CACNA1C: variants seen among roughly 807,000 people sequenced by gnomAD.
The protein encoded by CACNA1C is voltage-dependent L-type calcium channel subunit alpha-1C.
Under a neutral mutation model 229.0 loss-of-function variants are expected in CACNA1C, and 30 were observed. The ratio of observed to expected loss-of-function variants is 0.13; its 90% confidence interval spans 0.10 to 0.18. The LOEUF is 0.18. Among genes scored for constraint, CACNA1C ranks in the 10% least tolerant of loss-of-function variants. CACNA1C has a pLI of 1.00. For missense variants in CACNA1C, 1,658 were observed against 2,845.0 expected (o/e 0.58, Z 9.49); for synonymous variants, 1,114 against 1,132.5 (o/e 0.98, Z 0.33).
intron 9 of CACNA1C, among the ~76,000 whole-genome samples, chr12:2,523,291 C>T (rs1305233861): frequency 6.6e-6 from 1 of 152,104 alleles, no homozygotes; most frequent in African/African-American, 2.4e-5. Flanking sequence ...TGAGGTCAAG[C>T]GCCATCCCTT....
chr12:2,142,092 G>A (rs2094278957), intron 3 of CACNA1C, among the ~76,000 whole-genome samples: 1 of 151,066 alleles, frequency 6.6e-6, no homozygotes, highest in Non-Finnish European at 1.5e-5. Context: ...CCACCACCTG[G>A]CACGTGATGG....
In CACNA1C at chr12:2,504,003, C is replaced by T. The variant is rs1651994712; in HGVS notation, c.1114-839C>T. On this transcript the variant is annotated intron_variant, in intron 7 of 46. Transcript: ENST00000399655. This position sits in a 1 kb window ranked among gnomAD's most constrained non-coding sequence, Gnocchi z 6.8. ...CACCTCCTCTGTGGTTTCAGTTCTC[C>T]AGGCCTGTCAGCAGGAGCTGACGCA... is the stretch of plus-strand genomic sequence containing the variant. Among the ~76,000 whole-genome samples the T allele has an allele frequency of 6.6e-6, 1 of 152,202 alleles. No individual in the cohort carries two copies. Among genetic ancestry groups the T allele is most frequent in the Non-Finnish European group, 1.5e-5 (1 of 68,036 alleles).
intron 3 of CACNA1C, among the ~76,000 whole-genome samples, chr12:2,137,014 G>T (rs1389112696): frequency 6.6e-6 from 1 of 151,420 alleles, no homozygotes; most frequent in Non-Finnish European, 1.5e-5. Flanking sequence ...ACCCCAGTCA[G>T]TACTGGTGGT....
At chr12:2,539,861 TAAG>T (rs1369768777) in intron 9 of CACNA1C, among the ~76,000 whole-genome samples, 1 of 117,704 alleles carries the variant, frequency 8.5e-6, no homozygotes, top group African/African-American at 3.6e-5. Flanking sequence ...TTTAAGGACT[TAAG>T]GAGGGTTTCA....
chr12:2,639,025 T>C lies in CACNA1C; in HGVS notation c.3912+4645T>C, dbSNP rs533214088. ...GGCCAGGGCCTCTGGCGCGAGGAGA[T>C]CGGGACCCGCAAACTTCTGTTCATC... is the stretch of plus-strand genomic sequence containing the variant. On this transcript the variant is annotated intron_variant, in intron 30 of 46. Transcript: ENST00000399655. The surrounding 1 kb of genome is among the most constrained non-coding windows in gnomAD (Gnocchi z 4.2). 3.6e-4 allele frequency among the ~76,000 whole-genome samples: 55 copies of C among 152,102 alleles called. No homozygotes were observed. Among genetic ancestry groups the C allele is most frequent in the Non-Finnish European group, 6.8e-4 (46 of 68,018 alleles).
At chr12:2,433,738 C>T (rs187524355) in intron 3 of CACNA1C, among the ~76,000 whole-genome samples, 125 of 152,252 alleles carry the variant, frequency 8.2e-4, no homozygotes, top group African/African-American at 2.8e-3. Context: ...GCCTCCGTCT[C>T]GTTCCCACTG....
intron 34 of CACNA1C, among the ~76,000 whole-genome samples, chr12:2,657,113 A>C (rs2095464313): frequency 6.6e-6 from 1 of 152,216 alleles, no homozygotes; most frequent in Non-Finnish European, 1.5e-5. Flanking sequence ...GCAATTACTC[A>C]GGCTGTACTT....
intron 7 of CACNA1C, among the ~76,000 whole-genome samples, chr12:2,503,444 TA>T (rs2099764988): frequency 6.6e-6 from 1 of 152,242 alleles, no homozygotes; most frequent in South Asian, 2.1e-4. Flanking sequence ...TAAATCAGAA[TA>T]AATTTCCTCT....
At position 2,251,970 on chromosome 12, in the gene CACNA1C, C is replaced by T. The variant is rs573072472; in HGVS notation, c.477+131540C>T. Among the ~76,000 whole-genome samples, 10 of 152,360 alleles carry T rather than the reference C, an allele frequency of 6.6e-5. No individual in the cohort carries two copies. The South Asian group carries it at 1.4e-3, about 22-fold the overall frequency. ...TGAAAATTTAGTCTCTCATCTGCAG[C>T]AGGCTTAGGCAAAGTGGCTGGCCAC... On this transcript the variant is annotated intron_variant, in intron 3 of 46. Coordinates refer to ENST00000399655, the MANE Select transcript of CACNA1C (RefSeq NM_000719.7).
chr12:2,243,048 TTGGATAG>T (rs2154376184), intron 3 of CACNA1C, among the ~76,000 whole-genome samples: 1 of 152,190 alleles, frequency 6.6e-6, no homozygotes, highest in East Asian at 1.9e-4. Flanking sequence ...GTTTGAACTT[TTGGATAG>T]AATGAGATCT....
chr12:2,194,582 C>T (rs978131313), intron 3 of CACNA1C, among the ~76,000 whole-genome samples: 5 of 152,162 alleles, frequency 3.3e-5, no homozygotes, highest in Non-Finnish European at 2.9e-5. Flanking sequence ...TGCCTATCTT[C>T]CTTCCTTCCC....
Position 2,275,990 on chromosome 12 carries a change from A to T in CACNA1C, c.477+155560A>T, listed in dbSNP as rs570994699. 6.6e-6 allele frequency among the ~76,000 whole-genome samples: 1 copy of T among 152,292 alleles called. No individual in the cohort carries two copies. The highest frequency in any genetic ancestry group is 2.1e-4 in the South Asian group (1 of 4,820). ...AACCCAAGGATGCCCATGTCCTTTT[A>T]TGTATGTAGATTATATGCACATACT... On this transcript the variant is annotated intron_variant, in intron 3 of 46. Coordinates refer to ENST00000399655, the MANE Select transcript of CACNA1C (RefSeq NM_000719.7). The surrounding 1 kb of genome is among the most constrained non-coding windows in gnomAD (Gnocchi z 4.1).
intron 3 of CACNA1C, among the ~76,000 whole-genome samples, chr12:2,213,144 G>C (rs964481924): frequency 6.6e-6 from 1 of 152,092 alleles, no homozygotes; most frequent in Non-Finnish European, 1.5e-5. Flanking sequence ...AGGAGCCAGC[G>C]CCTGCCATTT....
At chr12:1,987,639 T>C (rs2038175803) in intron 1 of CACNA1C, among the ~76,000 whole-genome samples, 2 of 152,304 alleles carry the variant, frequency 1.3e-5, no homozygotes, top group East Asian at 1.9e-4. Context: ...CCATATATCA[T>C]GTATGTACCA....
At chr12:2,312,526 T>C (rs2095492389) in intron 3 of CACNA1C, among the ~76,000 whole-genome samples, 2 of 152,194 alleles carry the variant, frequency 1.3e-5, no homozygotes, top group Non-Finnish European at 2.9e-5. Flanking sequence ...AAATACTCTT[T>C]GTGTCCCGCC....
intron 3 of CACNA1C, among the ~76,000 whole-genome samples, chr12:2,326,619 C>A (rs1238971920): frequency 1.3e-5 from 2 of 152,220 alleles, no homozygotes; most frequent in Non-Finnish European, 2.9e-5. Flanking sequence ...TCCTAGCTCT[C>A]GCCATGCTGT....
intron 5 of CACNA1C, among the ~76,000 whole-genome samples, 168 bp downstream of exon 5, chr12:2,457,874 T>G (rs1019800379): frequency 6.6e-6 from 1 of 152,216 alleles, no homozygotes; most frequent in African/African-American, 2.4e-5. Flanking sequence ...CCAACTCGGA[T>G]GTAAGTGCCT....
intron 3 of CACNA1C, among the ~76,000 whole-genome samples, chr12:2,284,770 G>A (rs947357569): frequency 6.6e-6 from 1 of 152,210 alleles, no homozygotes; most frequent in Non-Finnish European, 1.5e-5. Context: ...GCAGGCAGGC[G>A]GCTCTCATTT....
chr12:2,482,743 A>C lies in CACNA1C; in HGVS notation c.758-3361A>C, dbSNP rs545788940. Reference sequence around the variant, plus strand: ...AAAGCACCCTATTCCACCTTCAGATAAGCCTGTTTCTCGGACAGATAAGTG... The same window carrying C: ...AAAGCACCCTATTCCACCTTCAGATCAGCCTGTTTCTCGGACAGATAAGTG... On this transcript the variant is annotated intron_variant, in intron 5 of 46. Transcript: ENST00000399655. 4.6e-5 allele frequency among the ~76,000 whole-genome samples: 7 copies of C among 152,252 alleles called. No individual in the cohort carries two copies. The East Asian group carries it at 1.4e-3, about 29-fold the overall frequency.
Sources: gnomAD v4.1 joint callset for allele counts (sites outside exome capture counted in the v4.1 genomes callset) on GRCh38, gnomAD v4.1.1 for gene constraint, Gnocchi (gnomAD v3.1) non-coding constraint, MANE v1.5 for transcripts, NCBI Gene and HGNC (gene_info 2026-07-23, HGNC 2026-07-21) for gene names.